SNTG1: variants seen among roughly 807,000 people sequenced by gnomAD.
SNTG1 encodes the protein gamma-1-syntrophin.
Under a neutral mutation model 74.7 loss-of-function variants are expected in SNTG1, and 39 were observed. That is an observed-to-expected ratio of 0.52 (90% CI 0.40 to 0.68). The LOEUF (loss-of-function observed/expected upper bound fraction) is 0.68, where lower values mean the gene tolerates loss of function less well. SNTG1 is among the 30% of genes least tolerant of loss of function. SNTG1 has a pLI of 0.00. For synonymous variants in SNTG1, 254 were observed against 217.1 expected (o/e 1.17, Z -1.49); for missense variants, 685 against 609.5 (o/e 1.12, Z -1.30).
intron 1 of SNTG1, among the ~76,000 whole-genome samples, chr8:49,944,857 G>A (rs556451771): frequency 2.6e-5 from 4 of 151,074 alleles, no homozygotes; most frequent in Admixed American, 6.6e-5. Flanking sequence ...GCGCAATCTC[G>A]GCTCACTGAA....
intron 15 of SNTG1, among the ~76,000 whole-genome samples, chr8:50,673,324 C>T (rs1432674619): frequency 6.6e-6 from 1 of 152,040 alleles, no homozygotes; most frequent in Non-Finnish European, 1.5e-5. Context: ...GAATATTTTT[C>T]CATTTGTTTG....
chr8:50,061,631 T>A (rs188049386), intron 1 of SNTG1, among the ~76,000 whole-genome samples: 18 of 152,182 alleles, frequency 1.2e-4, no homozygotes, highest in Non-Finnish European at 2.1e-4. Flanking sequence ...TTTAGTGTTA[T>A]ACATTTCTGT....
intron 15 of SNTG1, among the ~76,000 whole-genome samples, chr8:50,685,328 T>A (rs1220777819): frequency 1.3e-5 from 2 of 152,202 alleles, no homozygotes; most frequent in African/African-American, 4.8e-5. Context: ...CTACCAGTCC[T>A]CCAGGGTAAT....
chr8:50,415,563 C>T (rs1217501926), intron 4 of SNTG1, among the ~76,000 whole-genome samples: 1 of 152,060 alleles, frequency 6.6e-6, no homozygotes, highest in Non-Finnish European at 1.5e-5. Flanking sequence ...AACAGTTCCT[C>T]AGTTGTTTTA....
chr8:50,216,198 C>T lies in SNTG1; in HGVS notation c.-28+43563C>T, dbSNP rs1486962531. ...TTTCCATGTAAGCATCTTTAAAAGC[C>T]ACAAAAGGATAGGAACATTTGTAAA... On this transcript the variant is annotated intron_variant, in intron 2 of 18. Coordinates refer to ENST00000642720, the MANE Select transcript of SNTG1 (RefSeq NM_018967.5). Among the ~76,000 whole-genome samples the T allele has an allele frequency of 2.6e-5, 4 of 152,230 alleles. No individual in the cohort carries two copies. In the East Asian group the frequency reaches 7.7e-4, roughly 29 times the overall value.
chr8:50,705,092 C>T (rs1240538911), intron 16 of SNTG1, among the ~76,000 whole-genome samples: 1 of 151,962 alleles, frequency 6.6e-6, no homozygotes, highest in Non-Finnish European at 1.5e-5. Context: ...CAAATATGAC[C>T]TCCTAATTTC....
intron 2 of SNTG1, among the ~76,000 whole-genome samples, chr8:50,378,717 G>A (rs755620727): frequency 7.9e-5 from 12 of 151,988 alleles, no homozygotes; most frequent in Non-Finnish European, 1.5e-4. Context: ...AGCAGAGAGG[G>A]TAGCTCCTCT....
chr8:49,987,219 G>C (rs1585781390), intron 1 of SNTG1, among the ~76,000 whole-genome samples: 1 of 152,070 alleles, frequency 6.6e-6, no homozygotes, highest in Non-Finnish European at 1.5e-5. Context: ...ATATATAAGA[G>C]TGTCAAATAC....
chr8:50,461,591 T>C (rs925866782), intron 8 of SNTG1, among the ~76,000 whole-genome samples: 1 of 152,182 alleles, frequency 6.6e-6, no homozygotes, highest in Non-Finnish European at 1.5e-5. Context: ...CTTTGGGATG[T>C]AATCCAATAC....
chr8:50,013,080 G>C (rs1468466670), intron 1 of SNTG1, among the ~76,000 whole-genome samples: 2 of 152,036 alleles, frequency 1.3e-5, no homozygotes, highest in Admixed American at 1.3e-4. Context: ...GAAAGCATTA[G>C]AATAAAAGGA....
At chr8:50,766,716 T>C (rs1317085113) in intron 18 of SNTG1, among the ~76,000 whole-genome samples, 1 of 151,948 alleles carries the variant, frequency 6.6e-6, no homozygotes, top group Non-Finnish European at 1.5e-5. Context: ...ATTGTTGAAC[T>C]TGTTTACAGA....
chr8:49,989,608 G>A lies in SNTG1; in HGVS notation c.-103+77377G>A, dbSNP rs74623818. 1.2e-3 allele frequency among the ~76,000 whole-genome samples: 181 copies of A among 151,890 alleles called. 3 individuals carry two copies. In the East Asian group the frequency reaches 0.031, roughly 26 times the overall value. ...CACTTCCCAACTTACATTATGAGGC[G>A]AGTGTTACCCTAATGCCAAAAACCA... On this transcript the variant is annotated intron_variant, in intron 1 of 18. Coordinates refer to ENST00000642720, the MANE Select transcript of SNTG1 (RefSeq NM_018967.5).
intron 1 of SNTG1, among the ~76,000 whole-genome samples, chr8:50,017,037 A>G (rs1816387697): frequency 6.6e-6 from 1 of 152,118 alleles, no homozygotes. Context: ...AACATTCCAG[A>G]AAACAAAAAC....
chr8:50,019,002 T>C (rs1387071807), intron 1 of SNTG1, among the ~76,000 whole-genome samples: 18 of 151,800 alleles, frequency 1.2e-4, no homozygotes. Flanking sequence ...TAAAATAATA[T>C]CCTAGCAAAA....
chr8:50,388,236 G>T (rs535613647), intron 2 of SNTG1, among the ~76,000 whole-genome samples: 1 of 152,206 alleles, frequency 6.6e-6, no homozygotes, highest in African/African-American at 2.4e-5. Context: ...CTATACCATG[G>T]TTAAGAGCAA....
intron 1 of SNTG1, among the ~76,000 whole-genome samples, chr8:50,161,761 A>G (rs1563678440): frequency 6.6e-6 from 1 of 152,180 alleles, no homozygotes; most frequent in African/African-American, 2.4e-5. Context: ...AACAGAAAAG[A>G]AAAAGAAAAA....
chr8:50,131,780 A>G (rs1186183009), intron 1 of SNTG1, among the ~76,000 whole-genome samples: 1 of 152,022 alleles, frequency 6.6e-6, no homozygotes, highest in East Asian at 1.9e-4. Flanking sequence ...AATTTAAATG[A>G]TTGTACCAAT....
At position 49,921,244 on chromosome 8, in the gene SNTG1, C is replaced by T. The variant is rs546578449; in HGVS notation, c.-103+9013C>T. ...AGAGAAAAGAAGGTCATAAAAGAGT[C>T]GTAGAAAGTGTAGGGGAAAGGTATA... On this transcript the variant is annotated intron_variant, in intron 1 of 18. Coordinates refer to ENST00000642720, the MANE Select transcript of SNTG1 (RefSeq NM_018967.5). 1.1e-3 allele frequency among the ~76,000 whole-genome samples: 161 copies of T among 151,966 alleles called. 1 individual carries two copies. Among genetic ancestry groups the T allele is most frequent in the Admixed American group, 4.1e-3 (62 of 15,234 alleles).
intron 1 of SNTG1, among the ~76,000 whole-genome samples, chr8:50,096,205 C>G (rs1474008309): frequency 1.3e-5 from 2 of 152,168 alleles, no homozygotes; most frequent in Non-Finnish European, 2.9e-5. Flanking sequence ...CCATTCCACA[C>G]AACCACCCTT....
Sources: gnomAD v4.1 joint callset for allele counts (sites outside exome capture counted in the v4.1 genomes callset) on GRCh38, gnomAD v4.1.1 for gene constraint, MANE v1.5 for transcripts, NCBI Gene and HGNC (gene_info 2026-07-23, HGNC 2026-07-21) for gene names.